TFIP11: variants seen among roughly 807,000 people sequenced by gnomAD.
TFIP11 encodes tuftelin interacting protein 11, also known as tuftelin-interacting protein 11.
Under a neutral mutation model 96.8 loss-of-function variants are expected in TFIP11, and 86 were observed. The observed-to-expected ratio is 0.89, with a 90% CI of 0.75 to 1.06. The LOEUF (loss-of-function observed/expected upper bound fraction) is 1.06, where lower values mean the gene tolerates loss of function less well. Among genes scored for constraint, TFIP11 ranks in the 50% least tolerant of loss-of-function variants. The probability of loss-of-function intolerance (pLI) is 0.00; values close to 1 mark genes in which losing one functional copy is unlikely to be tolerated. For synonymous variants in TFIP11, 405 were observed against 395.2 expected (o/e 1.02, Z -0.29); for missense variants, 881 against 1,076.7 (o/e 0.82, Z 2.54).
At chr22:26,507,791 A>G (rs1923597569) in intron 4 of TFIP11, among the ~76,000 whole-genome samples, 1 of 152,142 alleles carries the variant, frequency 6.6e-6, no homozygotes, top group Non-Finnish European at 1.5e-5. Flanking sequence ...AAATTGATAT[A>G]TTTGTACTGT....
At chr22:26,509,707 T>C (rs919909219) in intron 4 of TFIP11, among the ~76,000 whole-genome samples, 4 of 151,946 alleles carry the variant, frequency 2.6e-5, no homozygotes, top group Admixed American at 6.6e-5. Context: ...AATACAAACA[T>C]TAGCTGGAGG....
Position 26,491,850 on chromosome 22 carries a change from G to C in TFIP11, c.*163C>G, listed in dbSNP as rs565844400. 2.1e-6 allele frequency: 2 copies of C among 931,768 alleles called. No homozygotes were observed. The highest frequency in any genetic ancestry group is 1.7e-5 in the African/African-American group (1 of 60,168). 57.7% of individuals were successfully genotyped at this position (931,768 alleles called of 1,614,324 possible). The stretch of plus-strand genomic sequence containing the variant: ...CTTGGTATAAAGATTCCTGCCCTAC[G>C]TGGCATTGTCCCATTTTACATCCTT... On this transcript the variant is annotated 3_prime_UTR_variant, in exon 15 of 15. Transcript: ENST00000407690.
At chr22:26,494,403 C>G (rs1921653990) in intron 13 of TFIP11, 99 bp from the exon 14 acceptor site, 2 of 1,351,844 alleles carry the variant, frequency 1.5e-6, no homozygotes, top group African/African-American at 1.4e-5. Flanking sequence ...GTCCTACAGG[C>G]TAGTGACACT....
In TFIP11 at chr22:26,511,425, G is replaced by C. The variant is rs112040761; in HGVS notation, c.-96+674C>G. ...GGCAACACCCACATAGTCACACCCAGGATCAATACTTCGTATCCTTCAATC... is the reference window on the plus strand; with the variant it reads ...GGCAACACCCACATAGTCACACCCACGATCAATACTTCGTATCCTTCAATC... On this transcript the variant is annotated intron_variant, in intron 2 of 14. Transcript: ENST00000407690. 8.4e-3 allele frequency: 1,275 copies of C among 152,280 alleles called. 9 individuals carry two copies. The highest frequency in any genetic ancestry group is 0.017 in the Middle Eastern group (5 of 294). The allele number at this position is 152,280 out of a possible 1,614,324, so 9.4% of individuals were successfully genotyped here.
intron 4 of TFIP11, among the ~76,000 whole-genome samples, chr22:26,509,461 T>C (rs987277225): frequency 2.6e-5 from 4 of 152,236 alleles, no homozygotes; most frequent in African/African-American, 9.6e-5. Flanking sequence ...TCTGAGTTGT[T>C]AATGCCTATT....
rs761339389 is a variant in TFIP11, at chr22:26,499,449, G to A, written c.984C>T (p.Ile328=). The A allele has an allele frequency of 2.0e-5, 33 of 1,614,044 alleles. No individual in the cohort carries two copies. Among genetic ancestry groups the A allele is most frequent in the African/African-American group, 4.0e-5 (3 of 74,948 alleles). ...GGATGATCTCCTGCTCCGTGAGGTCGATGAGCAGCTGCAGGTTGTGCTCCA... is the reference window on the plus strand; with the variant it reads ...GGATGATCTCCTGCTCCGTGAGGTCAATGAGCAGCTGCAGGTTGTGCTCCA... ...PELEHNLQLL[I]DLTEQEIIQN... Residue 328 remains isoleucine, a synonymous_variant, in exon 9 of 15, where the codon ATC becomes ATT. Transcript: ENST00000407690.
intron 14 of TFIP11, chr22:26,493,875 G>T: frequency 2.2e-6 from 1 of 445,570 alleles, no homozygotes; most frequent in Non-Finnish European, 4.1e-6. Flanking sequence ...GCGGGGCCTG[G>T]GGTTAGACTG....
chr22:26,505,495 G>A (rs1429567288), intron 6 of TFIP11, among the ~76,000 whole-genome samples: 1 of 152,106 alleles, frequency 6.6e-6, no homozygotes, highest in Admixed American at 6.5e-5. Context: ...ATGACTCTGG[G>A]ACCAAGAAAA....
chr22:26,503,698 G>A lies in TFIP11; in HGVS notation c.616C>T (p.Pro206Ser). 6.2e-7 allele frequency: 1 copy of A among 1,613,996 alleles called. No homozygotes were observed. Among genetic ancestry groups the A allele is most frequent in the East Asian group, 2.2e-5 (1 of 44,878 alleles). The change falls in exon 7 of 15, where the codon CCT becomes TCT. Residue 206 changes from proline (P) to serine (S), a missense_variant. Transcript: ENST00000407690. ...GCTTCTTCCTCTGAGTCAACCACAG[G>A]GAAGTCTTGCATGGACTGAGTGGTG... Reference protein sequence around the residue: ...ERTTQSMQDFPVVDSEEEAEE... With the variant: ...ERTTQSMQDFSVVDSEEEAEE...
intron 10 of TFIP11, among the ~76,000 whole-genome samples, chr22:26,497,356 G>A (rs1030075618): frequency 2.9e-4 from 44 of 152,142 alleles, no homozygotes; most frequent in Admixed American, 1.3e-3. Flanking sequence ...CTTCCCATCT[G>A]CTTTTTTTGC....
chr22:26,501,737 T>C (rs760294904), intron 8 of TFIP11, among the ~76,000 whole-genome samples, 163 bp downstream of exon 8: 1 of 141,274 alleles, frequency 7.1e-6, no homozygotes, highest in Non-Finnish European at 1.5e-5. Flanking sequence ...TATGTGAGCA[T>C]GTTCCTATTC....
At chr22:26,499,678 T>TGA (rs765825232) in intron 8 of TFIP11, 47 bp from the exon 9 acceptor site, 5 of 1,552,304 alleles carry the variant, frequency 3.2e-6, no homozygotes, top group Non-Finnish European at 4.4e-6. Context: ...GCAGCCCTGT[T>TGA]AAACACACAG....
intron 6 of TFIP11, among the ~76,000 whole-genome samples, chr22:26,505,456 AC>A (rs1286562827): frequency 2.0e-5 from 3 of 152,000 alleles, no homozygotes; most frequent in Non-Finnish European, 4.4e-5. Context: ...CAAAATTAAA[AC>A]CCTTGTGAGT....
chr22:26,498,184 C>A (rs1447209648), intron 10 of TFIP11, among the ~76,000 whole-genome samples: 1 of 152,142 alleles, frequency 6.6e-6, no homozygotes, highest in Non-Finnish European at 1.5e-5. Context: ...GATGCAAAGG[C>A]ATAAGAATGA....
rs1367596224 is a variant in TFIP11 at position 26,491,743 on chromosome 22, G to A, written c.*270C>T. On this transcript the variant is annotated 3_prime_UTR_variant, in exon 15 of 15. Coordinates refer to ENST00000407690, the MANE Select transcript of TFIP11 (RefSeq NM_012143.4). ...CAGAGACTAAAGGGAAGGCTGCTAT[G>A]GAGGAACTACAGAGAACTCCTTTGC... 2 of 1,396,832 alleles carry A rather than the reference G, an allele frequency of 1.4e-6. No individual in the cohort carries two copies. Among genetic ancestry groups the A allele is most frequent in the East Asian group, 2.3e-5 (1 of 43,234 alleles). 86.5% of individuals were successfully genotyped at this position (1,396,832 alleles called of 1,614,324 possible).
Position 26,491,746 on chromosome 22 carries a change from G to C in TFIP11, c.*267C>G. On this transcript the variant is annotated 3_prime_UTR_variant, in exon 15 of 15. Coordinates refer to ENST00000407690, the MANE Select transcript of TFIP11 (RefSeq NM_012143.4). ...AGACTAAAGGGAAGGCTGCTATGGA[G>C]GAACTACAGAGAACTCCTTTGCCAG... The C allele has an allele frequency of 7.3e-7, 1 of 1,371,418 alleles. No individual in the cohort carries two copies. The allele number at this position is 1,371,418 out of a possible 1,614,324, so 85.0% of individuals were successfully genotyped here. A position where few individuals can be genotyped will look rare whatever the true frequency, so the allele number is the denominator to read the frequency against.
At position 26,506,295 on chromosome 22, in the gene TFIP11, T is replaced by C. The variant is rs1923397280; in HGVS notation, c.520+8A>G. 6.3e-7 allele frequency: 1 copy of C among 1,599,168 alleles called. No individual in the cohort carries two copies. The highest frequency in any genetic ancestry group is 1.8e-5 in the Admixed American group (1 of 56,152). On this transcript the variant is annotated splice_region_variant and intron_variant, in intron 6 of 14. Transcript: ENST00000407690. ...CCTCCATCATGCAAGACGACAAAGGTGCAATACCTTGTGCATTCTTCCCGA... is the reference window on the plus strand; with the variant it reads ...CCTCCATCATGCAAGACGACAAAGGCGCAATACCTTGTGCATTCTTCCCGA...
Position 26,499,133 on chromosome 22 carries a change from C to T in TFIP11, c.1300G>A (p.Glu434Lys), listed in dbSNP as rs1214825154. 6.3e-7 allele frequency: 1 copy of T among 1,592,370 alleles called. No homozygotes were observed. Among genetic ancestry groups the T allele is most frequent in the Non-Finnish European group, 8.6e-7 (1 of 1,166,186 alleles). The change falls in exon 9 of 15, where the codon GAG becomes AAG. Residue 434 changes from glutamate (E) to lysine (K), a missense_variant. Coordinates refer to ENST00000407690, the MANE Select transcript of TFIP11 (RefSeq NM_012143.4). ...AGGGGATCCCACTCCTTGAAGTACT[C>T]CTTCATGAGTGGATAGACGATGGCC... ...AVAIVYPLMK[E>K]YFKEWDPLKD...
At chr22:26,508,705 T>C (rs966277318) in intron 4 of TFIP11, among the ~76,000 whole-genome samples, 2 of 151,844 alleles carry the variant, frequency 1.3e-5, no homozygotes, top group African/African-American at 4.8e-5. Flanking sequence ...ATTAGCTGGG[T>C]GTGATGGCAC....
Sources: allele counts gnomAD v4.1 joint callset (sites outside exome capture counted in the v4.1 genomes callset), GRCh38; gene constraint gnomAD v4.1.1; transcripts MANE v1.5; gene names NCBI Gene and HGNC (gene_info 2026-07-23, HGNC 2026-07-21).